Variants in TANC2 observed in about 807,000 individuals in gnomAD.
TANC2 encodes tetratricopeptide repeat, ankyrin repeat and coiled-coil containing 2.
Under a neutral mutation model 210.5 loss-of-function variants are expected in TANC2, and 26 were observed. The ratio of observed to expected loss-of-function variants is 0.12; its 90% CI spans 0.09 to 0.17. The LOEUF is 0.17. TANC2 is among the 10% of genes least tolerant of loss of function. TANC2 has a pLI of 1.00. For missense variants in TANC2, 2,129 were observed against 2,608.9 expected, an observed-to-expected ratio of 0.82 and a Z score of 4.01; for synonymous variants, 931 against 967.1, an observed-to-expected ratio of 0.96 and a Z score of 0.69.
chr17:63,364,251 G>A (rs1363865635), intron 14 of TANC2, among the ~76,000 whole-genome samples: 1 of 152,098 alleles, frequency 6.6e-6, no homozygotes, highest in African/African-American at 2.4e-5. Context: ...AGTTTGTTTT[G>A]TCTCAGCATA....
chr17:63,357,714 A>T (rs921811082), intron 14 of TANC2, among the ~76,000 whole-genome samples: 3 of 152,242 alleles, frequency 2.0e-5, no homozygotes, highest in Admixed American at 6.5e-5. Context: ...GAAATTCACT[A>T]AGAATTTAAT....
intron 7 of TANC2, among the ~76,000 whole-genome samples, chr17:63,234,691 C>A (rs911947921): frequency 1.3e-5 from 2 of 151,958 alleles, no homozygotes; most frequent in African/African-American, 4.8e-5. Flanking sequence ...TTTCTACTCT[C>A]CAGAAATGTA....
At chr17:63,094,933 T>C (rs1359137404) in intron 3 of TANC2, among the ~76,000 whole-genome samples, 1 of 152,144 alleles carries the variant, frequency 6.6e-6, no homozygotes, top group Non-Finnish European at 1.5e-5. Context: ...AAAATAAATA[T>C]TGAGTAATGT....
chr17:62,966,657 CGCGGGCGGCGCCG>C lies in TANC2; in HGVS notation c.-104_-92del, dbSNP rs958063696. Among the ~76,000 whole-genome samples, 3 of 151,826 alleles carry C rather than the reference CGCGGGCGGCGCCG, an allele frequency of 2.0e-5. No individual in the cohort carries two copies. Among genetic ancestry groups the C allele is most frequent in the Admixed American group, 6.5e-5 (1 of 15,276 alleles). On this transcript the variant is annotated 5_prime_UTR_variant, in exon 1 of 28. Transcript: ENST00000689528. The surrounding 1 kb of genome is among the most constrained non-coding windows in gnomAD (Gnocchi z 5.1). ...GAGGACTGCGAGGTGCTCCGGGAAT[CGCGGGCGGCGCCG>C]GCGGGCGGCGCGGTCCTCACAGGAG...
chr17:63,402,204 C>T (rs2048364418), intron 19 of TANC2, among the ~76,000 whole-genome samples: 1 of 152,130 alleles, frequency 6.6e-6, no homozygotes. Flanking sequence ...TTGGCCCACC[C>T]CACACCTTCC....
At chr17:63,188,611 A>T (rs1341266419) in intron 5 of TANC2, among the ~76,000 whole-genome samples, 2 of 151,676 alleles carry the variant, frequency 1.3e-5, no homozygotes, top group African/African-American at 4.8e-5. Flanking sequence ...AAACTGGCAA[A>T]ATCTGAATAA....
intron 9 of TANC2, among the ~76,000 whole-genome samples, chr17:63,299,402 G>A (rs571692851): frequency 9.2e-5 from 14 of 152,166 alleles, no homozygotes; most frequent in South Asian, 8.3e-4. Flanking sequence ...GTGTAAAAGC[G>A]TTCCTTTTTC....
At chr17:63,187,738 A>G (rs1043972327) in intron 5 of TANC2, among the ~76,000 whole-genome samples, 36 of 152,156 alleles carry the variant, frequency 2.4e-4, no homozygotes, top group Admixed American at 2.3e-3. Flanking sequence ...CTTAAAACTA[A>G]TGATAAAGGA....
At chr17:63,259,367 A>G (rs527278510) in intron 8 of TANC2, among the ~76,000 whole-genome samples, 7 of 152,214 alleles carry the variant, frequency 4.6e-5, no homozygotes, top group Admixed American at 2.0e-4. Context: ...CAAAGTTTTA[A>G]TATGATGTTA....
At chr17:63,249,666 G>A (rs575343894) in intron 8 of TANC2, among the ~76,000 whole-genome samples, 3 of 152,294 alleles carry the variant, frequency 2.0e-5, no homozygotes, top group African/African-American at 7.2e-5. Context: ...AATCTAGGGG[G>A]ATTTAAGCAA....
At chr17:63,393,052 G>A (rs1375429637) in intron 17 of TANC2, among the ~76,000 whole-genome samples, 1 of 152,140 alleles carries the variant, frequency 6.6e-6, no homozygotes, top group Non-Finnish European at 1.5e-5. Flanking sequence ...GAGAATCCAG[G>A]TCAGGATCTC....
intron 11 of TANC2, among the ~76,000 whole-genome samples, chr17:63,319,993 A>G (rs1381288336): frequency 1.3e-5 from 2 of 152,180 alleles, no homozygotes; most frequent in African/African-American, 4.8e-5. Context: ...GCTTCTTATT[A>G]TGGATGATGG....
chr17:63,199,093 C>T (rs1156663097), intron 6 of TANC2, among the ~76,000 whole-genome samples: 4 of 152,092 alleles, frequency 2.6e-5, no homozygotes, highest in African/African-American at 9.7e-5. Flanking sequence ...GATGATTAAA[C>T]ACAAGGGACT....
Position 63,049,224 on chromosome 17 carries a change from AT to A in TANC2, c.68-24717del, listed in dbSNP as rs553972775. 3.0e-3 allele frequency among the ~76,000 whole-genome samples: 452 copies of A among 152,332 alleles called. 4 individuals carry two copies. The highest frequency in any genetic ancestry group is 9.7e-3 in the African/African-American group (405 of 41,570). ...TGGCTAATAAAGCATTGAATATAAA[AT>A]TATTTGTCCTCATGGAATTTATATT... On this transcript the variant is annotated intron_variant, in intron 2 of 27. Transcript: ENST00000689528.
chr17:63,063,423 C>T (rs929892569), intron 2 of TANC2, among the ~76,000 whole-genome samples: 9 of 151,874 alleles, frequency 5.9e-5, no homozygotes, highest in African/African-American at 2.2e-4. Flanking sequence ...GGTGACCAGC[C>T]CCCATCCAGG....
At chr17:63,288,982 G>A (rs758211821) in intron 9 of TANC2, among the ~76,000 whole-genome samples, 3 of 152,074 alleles carry the variant, frequency 2.0e-5, no homozygotes, top group Admixed American at 2.0e-4. Flanking sequence ...GGTTGGTGGG[G>A]TTTTCTCTCA....
At chr17:63,090,891 A>G (rs2037160942) in intron 3 of TANC2, among the ~76,000 whole-genome samples, 1 of 152,124 alleles carries the variant, frequency 6.6e-6, no homozygotes. Flanking sequence ...CTTTTTAATG[A>G]TTGCCATTCT....
intron 5 of TANC2, among the ~76,000 whole-genome samples, chr17:63,192,224 T>C (rs1195572161): frequency 6.6e-6 from 1 of 152,056 alleles, no homozygotes; most frequent in Admixed American, 6.6e-5. Flanking sequence ...GGTAAGTAAA[T>C]AGGAAAGAAA....
chr17:63,216,134 C>T (rs2042020558), intron 7 of TANC2, among the ~76,000 whole-genome samples: 1 of 152,108 alleles, frequency 6.6e-6, no homozygotes, highest in African/African-American at 2.4e-5. Flanking sequence ...CTGCAGCCTC[C>T]ACCTGCTGGG....
Sources: allele counts gnomAD v4.1 joint callset (sites outside exome capture counted in the v4.1 genomes callset), GRCh38; gene constraint gnomAD v4.1.1; non-coding constraint Gnocchi (gnomAD v3.1); transcripts MANE v1.5; gene names NCBI Gene and HGNC (gene_info 2026-07-23, HGNC 2026-07-21).